The following ATP13A4 variants were observed in gnomAD, a reference collection of about 807,000 sequenced individuals.
The protein encoded by ATP13A4 is ATPase 13A4.
A neutral mutation model predicts 142.5 loss-of-function variants in ATP13A4; 114 were observed. The observed-to-expected ratio is 0.80, with a 90% CI of 0.69 to 0.93. The LOEUF (loss-of-function observed/expected upper bound fraction) is 0.93. Among genes scored for constraint, ATP13A4 ranks in the 40% least tolerant of loss-of-function variants. The pLI is 0.00. For synonymous variants in ATP13A4, 488 were observed against 514.8 expected (o/e 0.95, Z 0.70); for missense variants, 1,392 against 1,454.0 (o/e 0.96, Z 0.69).
chr3:193,406,092 C>T (rs1244345613), intron 29 of ATP13A4, among the ~76,000 whole-genome samples: 1 of 152,182 alleles, frequency 6.6e-6, no homozygotes, highest in Non-Finnish European at 1.5e-5. Context: ...GAAATGCTAA[C>T]TTTTGCACTT....
At position 193,579,115 on chromosome 3, in the gene ATP13A4, G is replaced by A. The variant is rs541256715; in HGVS notation, n.291+2592C>T. Reference sequence around the variant, plus strand: ...CCACCTGATATGTCCCTGTAATCACGTTTTTGATAAAGTCTCTGTGGCCTA... The same window carrying A: ...CCACCTGATATGTCCCTGTAATCACATTTTTGATAAAGTCTCTGTGGCCTA... On this transcript the variant is annotated intron_variant and non_coding_transcript_variant, in intron 2 of 3. Coordinates refer to the ATP13A4 transcript ENST00000489140. 202 of 165,218 alleles carry A rather than the reference G, an allele frequency of 1.2e-3. 1 individual carries two copies. Among genetic ancestry groups the A allele is most frequent in the African/African-American group, 4.7e-3 (199 of 41,896 alleles). The allele number at this position is 165,218 out of a possible 1,614,324, so 10.2% of individuals were successfully genotyped here.
rs988490567 is a variant in ATP13A4 at position 193,435,649 on chromosome 3, C to T, written c.2768G>A (p.Trp923Ter). The T allele has an allele frequency of 1.2e-6, 2 of 1,612,572 alleles. No individual in the cohort carries two copies. Reference protein sequence around the residue: ...IQYVGVLLLYWETNSLSNYQF... With the variant: ...IQYVGVLLLY ...AAGAGGCTAAGTCCCAAGTCATACC[C>T]AGTAGAGCAGCAGAACACCAACATA... The change falls in exon 24 of 30, where the codon TGG becomes TAG. Residue 923 changes from tryptophan to a stop codon, truncating the protein, a stop_gained and splice_region_variant. Coordinates refer to ENST00000342695, the MANE Select transcript of ATP13A4 (RefSeq NM_032279.4). LOFTEE classifies it high-confidence loss of function.
At chr3:193,471,855 T>C (rs1033709817) in intron 8 of ATP13A4, among the ~76,000 whole-genome samples, 20 of 152,170 alleles carry the variant, frequency 1.3e-4, no homozygotes, top group African/African-American at 4.3e-4. Flanking sequence ...CTGTGCAAGA[T>C]AGGCATTCCT....
intron 1 of ATP13A4, among the ~76,000 whole-genome samples, chr3:193,548,440 G>A (rs1000656250): frequency 8.5e-5 from 13 of 152,216 alleles, no homozygotes; most frequent in Non-Finnish European, 1.5e-4. Flanking sequence ...TATCGAAGAT[G>A]AGTTGACTTC....
At chr3:193,521,471 A>G (rs1221868192) in intron 1 of ATP13A4, among the ~76,000 whole-genome samples, 1 of 152,184 alleles carries the variant, frequency 6.6e-6, no homozygotes, top group African/African-American at 2.4e-5. Context: ...ATATTTAATG[A>G]CAAAATGTCA....
intron 2 of ATP13A4, among the ~76,000 whole-genome samples, chr3:193,508,209 A>G (rs1471219083): frequency 6.6e-6 from 1 of 152,208 alleles, no homozygotes; most frequent in Non-Finnish European, 1.5e-5. Flanking sequence ...CAGAACTATG[A>G]AACAATAAAT....
chr3:193,500,011 T>G (rs2108674400), intron 3 of ATP13A4, among the ~76,000 whole-genome samples: 1 of 152,296 alleles, frequency 6.6e-6, no homozygotes, highest in South Asian at 2.1e-4. Flanking sequence ...TTTGAGCATA[T>G]TTGAGATTCC....
chr3:193,491,543 C>G, intron 5 of ATP13A4, 145 bp from the exon 6 acceptor site: 1 of 690,150 alleles, frequency 1.4e-6, no homozygotes. Context: ...CCATTCTGAT[C>G]CTTCTCAAAA....
At chr3:193,428,976 A>G (rs1322552572) in intron 25 of ATP13A4, among the ~76,000 whole-genome samples, 7 of 152,042 alleles carry the variant, frequency 4.6e-5, no homozygotes, top group African/African-American at 1.7e-4. Context: ...CAAAAATTCA[A>G]TTAGGAAATG....
At chr3:193,525,475 T>C (rs1377339056) in intron 1 of ATP13A4, among the ~76,000 whole-genome samples, 1 of 152,188 alleles carries the variant, frequency 6.6e-6, no homozygotes, top group African/African-American at 2.4e-5. Context: ...AACTACAGGA[T>C]TTTAGAAAAT....
At chr3:193,461,495 G>A (rs1717941090) in intron 13 of ATP13A4, among the ~76,000 whole-genome samples, 1 of 152,158 alleles carries the variant, frequency 6.6e-6, no homozygotes, top group South Asian at 2.1e-4. Flanking sequence ...GAACTTTAGA[G>A]TTTAACACTT....
rs1714294317 is a variant in ATP13A4 at position 193,402,379 on chromosome 3, C to T, written c.*273G>A. On this transcript the variant is annotated 3_prime_UTR_variant, in exon 30 of 30. Coordinates refer to ENST00000342695, the MANE Select transcript of ATP13A4 (RefSeq NM_032279.4). ...TCACATATTTTTCCCCTTTAGCCTG[C>T]TTGTCTCTTGGCCCATAGAAATTCT... is the stretch of plus-strand genomic sequence containing the variant. The T allele has an allele frequency of 2.3e-6, 1 of 437,544 alleles. No homozygotes were observed. The highest frequency in any genetic ancestry group is 3.8e-5 in the Admixed American group (1 of 26,222). The allele number at this position is 437,544 out of a possible 1,614,324, so 27.1% of individuals were successfully genotyped here. A position where few individuals can be genotyped will look rare whatever the true frequency, so the allele number is the denominator to read the frequency against.
chr3:193,491,201 C>G, intron 6 of ATP13A4, 128 bp downstream of exon 6: 2 of 792,238 alleles, frequency 2.5e-6, no homozygotes, highest in East Asian at 2.5e-5. Context: ...GGATAATATG[C>G]TTGGCATACT....
rs1714251993 is a variant in ATP13A4, at chr3:193,401,279, T to A, written c.*1373A>T. On this transcript the variant is annotated 3_prime_UTR_variant, in exon 30 of 30. Coordinates refer to ENST00000342695, the MANE Select transcript of ATP13A4 (RefSeq NM_032279.4). ...GCTCCTAGAGTTCAGTGTTGTCTCC[T>A]GAGGTAACAGAAACCTGAGTCTTCC... Among the ~76,000 whole-genome samples, 1 of 152,180 alleles carries A rather than the reference T, an allele frequency of 6.6e-6. No homozygotes were observed. The highest frequency in any genetic ancestry group is 2.1e-4 in the South Asian group (1 of 4,820).
intron 9 of ATP13A4, among the ~76,000 whole-genome samples, 157 bp from the exon 10 acceptor site, chr3:193,467,643 C>T (rs1718381697): frequency 6.6e-6 from 1 of 152,140 alleles, no homozygotes; most frequent in African/African-American, 2.4e-5. Context: ...AAACATAGTT[C>T]TTACTTCTAA....
intron 1 of ATP13A4, among the ~76,000 whole-genome samples, chr3:193,535,537 CA>C (rs1274566940): frequency 1.3e-5 from 2 of 152,182 alleles, no homozygotes; most frequent in Non-Finnish European, 2.9e-5. Context: ...ACACTCAAAG[CA>C]GTGCTGAAAC....
At chr3:193,516,377 A>T (rs1028200530) in intron 1 of ATP13A4, among the ~76,000 whole-genome samples, 1 of 152,240 alleles carries the variant, frequency 6.6e-6, no homozygotes, top group African/African-American at 2.4e-5. Flanking sequence ...TGTTCTCATT[A>T]ACTCAGAAAT....
intron 18 of ATP13A4, among the ~76,000 whole-genome samples, chr3:193,444,824 C>T (rs1172552739): frequency 6.6e-6 from 1 of 152,156 alleles, no homozygotes; most frequent in Non-Finnish European, 1.5e-5. Flanking sequence ...GTATGAAGAT[C>T]CTCAAAAGAG....
rs746697838 is a variant in ATP13A4, at chr3:193,493,199, G to A, written c.382-39C>T. The A allele has an allele frequency of 5.7e-6, 9 of 1,573,410 alleles. No individual in the cohort carries two copies. In the Admixed American group the frequency reaches 1.5e-4, roughly 26 times the overall value. On this transcript the variant is annotated intron_variant, in intron 3 of 29. Coordinates refer to ENST00000342695, the MANE Select transcript of ATP13A4 (RefSeq NM_032279.4). ...GTACTAAGAAAACCTCTAGTTTGAG[G>A]ATCAGAGAATAAACAGCAACCCAGT...
Sources: allele counts gnomAD v4.1 joint callset (sites outside exome capture counted in the v4.1 genomes callset), GRCh38; gene constraint gnomAD v4.1.1; transcripts MANE v1.5; gene names NCBI Gene and HGNC (gene_info 2026-07-23, HGNC 2026-07-21).